The following ZNF385D variants were observed in gnomAD, a reference collection of about 807,000 sequenced individuals.
ZNF385D encodes zinc finger protein 385D.
ZNF385D carries 15 observed loss-of-function variants against 35.8 expected under a neutral mutation model. That is an observed-to-expected ratio of 0.42 (90% CI 0.28 to 0.64). The LOEUF (loss-of-function observed/expected upper bound fraction) is 0.64. Among genes scored for constraint, ZNF385D ranks in the 30% least tolerant of loss-of-function variants. ZNF385D has a pLI of 0.23. For missense variants in ZNF385D, 474 were observed against 494.6 expected (o/e 0.96, Z 0.39); for synonymous variants, 212 against 186.8 (o/e 1.13, Z -1.10).
At chr3:21,622,528 C>T (rs2125817422) in intron 2 of ZNF385D, among the ~76,000 whole-genome samples, 1 of 152,216 alleles carries the variant, frequency 6.6e-6, no homozygotes, top group South Asian at 2.1e-4. Flanking sequence ...GTTAGATTTT[C>T]ACCCATCAAA....
chr3:22,075,175 T>C (rs186335717), intron 3 of ZNF385D, among the ~76,000 whole-genome samples: 42 of 152,074 alleles, frequency 2.8e-4, no homozygotes, highest in African/African-American at 1.0e-3. Flanking sequence ...ATACCAGAGT[T>C]GAGACCACTT....
intron 3 of ZNF385D, among the ~76,000 whole-genome samples, chr3:21,805,774 G>A (rs1275926430): frequency 6.6e-6 from 1 of 152,176 alleles, no homozygotes; most frequent in African/African-American, 2.4e-5. Context: ...ATGCTAGTGA[G>A]CAGTGAAACG....
At position 21,418,639 on chromosome 3, in the gene ZNF385D, C is replaced by T. The variant is rs1021500077; in HGVS notation, c.*2575G>A. ...CATTAAAGACAGTAATGCCTTGTGA[C>T]CCAGGACACTGTGTATCCCATAGGC... On this transcript the variant is annotated 3_prime_UTR_variant, in exon 8 of 8. Coordinates refer to ENST00000281523, the MANE Select transcript of ZNF385D (RefSeq NM_024697.3). 6.6e-6 allele frequency: 1 copy of T among 152,110 alleles called. No homozygotes were observed. The highest frequency in any genetic ancestry group is 1.5e-5 in the Non-Finnish European group (1 of 68,006). 9.4% of individuals were successfully genotyped at this position (152,110 alleles called of 1,614,324 possible). A position where few individuals can be genotyped will look rare whatever the true frequency, so the allele number is the denominator to read the frequency against.
At chr3:21,620,629 C>T (rs1410780888) in intron 2 of ZNF385D, among the ~76,000 whole-genome samples, 2 of 152,080 alleles carry the variant, frequency 1.3e-5, no homozygotes, top group East Asian at 3.9e-4. Context: ...CAATCTCAGC[C>T]CCCTAAGGGC....
chr3:22,363,160 C>CTACCTGGACCT (rs1696493819), intron 2 of ZNF385D, among the ~76,000 whole-genome samples: 4 of 151,750 alleles, frequency 2.6e-5, no homozygotes, highest in African/African-American at 9.7e-5. Flanking sequence ...AGGTCTACCA[C>CTACCTGGACCT]TGCCTGGACC....
At chr3:21,477,250 C>T (rs1704312958) in intron 4 of ZNF385D, among the ~76,000 whole-genome samples, 1 of 151,928 alleles carries the variant, frequency 6.6e-6, no homozygotes, top group Admixed American at 6.6e-5. Context: ...CAAAACAAAA[C>T]TAAACAAAAC....
chr3:21,787,882 C>A lies in ZNF385D; in HGVS notation c.326-122854G>T, dbSNP rs2071757649. Reference sequence around the variant, plus strand: ...GCGTGAACCCGGGAGGCGGAGCTTGCAGAGAGGCGAGATCGAGCCACTGCA... The same window carrying A: ...GCGTGAACCCGGGAGGCGGAGCTTGAAGAGAGGCGAGATCGAGCCACTGCA... On this transcript the variant is annotated intron_variant, in intron 3 of 5. Transcript: ENST00000494108. 2.1e-5 allele frequency among the ~76,000 whole-genome samples: 3 copies of A among 143,346 alleles called. No individual in the cohort carries two copies. The Admixed American group carries it at 2.2e-4, about 11-fold the overall frequency. The allele number at this position is 143,346 out of a possible 152,430, so 94.0% of individuals were successfully genotyped here.
intron 3 of ZNF385D, among the ~76,000 whole-genome samples, chr3:21,971,716 G>C (rs1703269633): frequency 6.6e-6 from 1 of 150,426 alleles, no homozygotes; most frequent in Non-Finnish European, 1.5e-5. Context: ...ATGCCTACAA[G>C]AAACACATTT....
chr3:22,346,636 C>T (rs532661005), intron 2 of ZNF385D, among the ~76,000 whole-genome samples: 1 of 152,266 alleles, frequency 6.6e-6, no homozygotes, highest in East Asian at 1.9e-4. Flanking sequence ...GGACACCTGA[C>T]TCTTAACTAC....
intron 2 of ZNF385D, among the ~76,000 whole-genome samples, chr3:22,270,862 T>C (rs952106395): frequency 5.9e-5 from 9 of 152,078 alleles, no homozygotes; most frequent in African/African-American, 2.2e-4. Flanking sequence ...TAATCTGAAA[T>C]GCCCTTTGCA....
chr3:21,976,204 A>T (rs1169990608), intron 3 of ZNF385D, among the ~76,000 whole-genome samples: 1 of 152,202 alleles, frequency 6.6e-6, no homozygotes, highest in African/African-American at 2.4e-5. Flanking sequence ...TTAAATTATC[A>T]CTAAAATTTC....
At chr3:21,605,121 G>A (rs1400434277) in intron 2 of ZNF385D, among the ~76,000 whole-genome samples, 1 of 152,124 alleles carries the variant, frequency 6.6e-6, no homozygotes, top group Non-Finnish European at 1.5e-5. Context: ...TGGAGGATGA[G>A]TATTCATCGG....
chr3:22,347,285 GA>G (rs768640735), intron 2 of ZNF385D, among the ~76,000 whole-genome samples: 1 of 152,240 alleles, frequency 6.6e-6, no homozygotes, highest in Non-Finnish European at 1.5e-5. Flanking sequence ...CAATTTATAA[GA>G]AAATATTTTG....
intron 3 of ZNF385D, among the ~76,000 whole-genome samples, chr3:22,151,505 A>T (rs1176592701): frequency 6.6e-6 from 1 of 152,186 alleles, no homozygotes; most frequent in Non-Finnish European, 1.5e-5. Context: ...CACTCAATTT[A>T]AATTTCAATG....
At chr3:21,512,594 A>G (rs1014491134) in intron 3 of ZNF385D, among the ~76,000 whole-genome samples, 4 of 152,248 alleles carry the variant, frequency 2.6e-5, no homozygotes, top group African/African-American at 7.2e-5. Flanking sequence ...TATATATTAG[A>G]AACAGTTTGA....
intron 4 of ZNF385D, among the ~76,000 whole-genome samples, chr3:21,468,099 T>C (rs980392860): frequency 1.3e-5 from 2 of 151,976 alleles, no homozygotes; most frequent in Non-Finnish European, 2.9e-5. Flanking sequence ...AAATAAAAAA[T>C]GTGTCCATAA....
chr3:21,999,015 G>A lies in ZNF385D; in HGVS notation c.325+169802C>T, dbSNP rs61133641. 2.6e-3 allele frequency among the ~76,000 whole-genome samples: 392 copies of A among 152,190 alleles called. 2 individuals are homozygous for A. Among genetic ancestry groups the A allele is most frequent in the African/African-American group, 8.8e-3 (367 of 41,544 alleles). On this transcript the variant is annotated intron_variant, in intron 3 of 5. Transcript: ENST00000494108. ...TTGAGATAGTTTACTTGGTTTTCTC[G>A]GTTTAGCCTTTTTAAAAGGCTTTAC...
At chr3:22,136,568 G>A (rs6783982) in intron 3 of ZNF385D, among the ~76,000 whole-genome samples, 45,203 of 151,986 alleles carry the variant, frequency 0.3, 7,571 homozygotes, top group South Asian at 0.43. Context: ...ATAAGGGTAG[G>A]AAAAATCCAA....
chr3:21,694,083 G>T (rs1353115303), intron 1 of ZNF385D, among the ~76,000 whole-genome samples: 2 of 76,158 alleles, frequency 2.6e-5, no homozygotes, highest in African/African-American at 1.0e-4. Context: ...TCGCTCTGTC[G>T]CCCAGGCCGG....
Sources: gnomAD v4.1 joint callset for allele counts (sites outside exome capture counted in the v4.1 genomes callset) on GRCh38, gnomAD v4.1.1 for gene constraint, MANE v1.5 for transcripts, NCBI Gene and HGNC (gene_info 2026-07-23, HGNC 2026-07-21) for gene names.